CASS4: variants seen among roughly 807,000 people sequenced by gnomAD.
CASS4 encodes the protein cas scaffolding protein family member 4.
CASS4 carries 22 observed loss-of-function variants against 54.2 expected under a neutral mutation model. The observed-to-expected ratio is 0.41, with a 90% CI of 0.29 to 0.58. The LOEUF (loss-of-function observed/expected upper bound fraction) is 0.58. Among genes scored for constraint, CASS4 ranks in the 20% least tolerant of loss-of-function variants. The pLI is 0.36. For missense variants in CASS4, 854 were observed against 986.7 expected (o/e 0.87, Z 1.80); for synonymous variants, 409 against 391.5 (o/e 1.04, Z -0.53).
chr20:56,447,885 G>A (rs1238480798), intron 3 of CASS4, among the ~76,000 whole-genome samples: 3 of 152,326 alleles, frequency 2.0e-5, no homozygotes, highest in Non-Finnish European at 2.9e-5. Flanking sequence ...GCTCACGCCT[G>A]TAATCCCAGC....
intron 4 of CASS4, 72 bp downstream of exon 4, chr20:56,450,751 G>A: frequency 1.4e-6 from 2 of 1,452,432 alleles, no homozygotes; most frequent in Non-Finnish European, 1.9e-6. Context: ...TATTAGCTTG[G>A]GGCCAGGCAC....
chr20:56,429,032 C>T (rs746331913), intron 1 of CASS4, among the ~76,000 whole-genome samples: 15 of 152,012 alleles, frequency 9.9e-5, no homozygotes, highest in Admixed American at 7.2e-4. Flanking sequence ...TGCATGTGGG[C>T]GAGTGCACGT....
Position 56,430,881 on chromosome 20 carries a change from G to T in CASS4, c.37-6283G>T, listed in dbSNP as rs1187494187. ...TTTGAGAAAAGTAAGAAAACAATGTGACTGGAGGGAAATGAATGAGGGTAG... is the reference window on the plus strand; with the variant it reads ...TTTGAGAAAAGTAAGAAAACAATGTTACTGGAGGGAAATGAATGAGGGTAG... On this transcript the variant is annotated intron_variant, in intron 1 of 5. Coordinates refer to ENST00000679887, the MANE Select transcript of CASS4 (RefSeq NM_020356.4). This position sits in a 1 kb window ranked among gnomAD's most constrained non-coding sequence, Gnocchi z 4.2. 6.6e-6 allele frequency among the ~76,000 whole-genome samples: 1 copy of T among 152,212 alleles called. No homozygotes were observed. The highest frequency in any genetic ancestry group is 1.5e-5 in the Non-Finnish European group (1 of 68,040).
In CASS4 at chr20:56,452,127, C is replaced by T. The variant is rs773645729; in HGVS notation, c.951C>T (p.Pro317=). 6 of 1,614,074 alleles carry T rather than the reference C, an allele frequency of 3.7e-6. No individual in the cohort carries two copies. In the South Asian group the frequency reaches 6.6e-5, roughly 18 times the overall value. ...PEIPSYGFLV[P]RGTFPLDEDV... ...TTCCTTCTTATGGCTTTCTTGTACC[C>T]AGAGGCACATTTCCTTTGGATGAAG... The change falls in exon 5 of 6, where the codon CCC becomes CCT. Residue 317 remains proline (P), a synonymous_variant. Transcript: ENST00000679887.
Position 56,451,927 on chromosome 20 carries a change from G to C in CASS4, c.751G>C (p.Gly251Arg), listed in dbSNP as rs1183015246. The C allele has an allele frequency of 1.9e-6, 3 of 1,614,036 alleles. No individual in the cohort carries two copies. Among genetic ancestry groups the C allele is most frequent in the Admixed American group, 3.3e-5 (2 of 59,990 alleles). ...EWIYDTPVSP[G>R]KASVRNTPLT... ...GATTTATGACACTCCAGTGTCTCCA[G>C]GAAAGGCCAGCGTCAGAAACACGCC... The change falls in exon 5 of 6, where the codon GGA (glycine) becomes CGA (arginine). Residue 251 changes from glycine to arginine, a missense_variant. Transcript: ENST00000679887.
chr20:56,451,922 C>G lies in CASS4; in HGVS notation c.746C>G (p.Ser249Cys), dbSNP rs1298334340. The change falls in exon 5 of 6, where the codon TCT (serine) becomes TGT (cysteine). Residue 249 changes from serine (S) to cysteine (C), a missense_variant. Physicochemically the swap from Ser to Cys is moderately radical, Grantham distance 112 (BLOSUM62 -1). Coordinates refer to ENST00000679887, the MANE Select transcript of CASS4 (RefSeq NM_020356.4). ...KSEWIYDTPV[S>C]PGKASVRNTP... ...GAATGGATTTATGACACTCCAGTGT[C>G]TCCAGGAAAGGCCAGCGTCAGAAAC... The G allele has an allele frequency of 6.2e-7, 1 of 1,614,190 alleles. No individual in the cohort carries two copies.
At chr20:56,420,493 A>G (rs1040222124) in intron 1 of CASS4, among the ~76,000 whole-genome samples, 1 of 151,816 alleles carries the variant, frequency 6.6e-6, no homozygotes, top group East Asian at 1.9e-4. Context: ...GGCTCAAGCA[A>G]TCCTCCTGCC....
chr20:56,457,384 C>A (rs1051063675), intron 5 of CASS4, among the ~76,000 whole-genome samples: 9 of 152,094 alleles, frequency 5.9e-5, no homozygotes, highest in African/African-American at 2.2e-4. Context: ...TCAATTGTTA[C>A]CTGGAGTTGT....
At chr20:56,450,152 C>T (rs1339028097) in intron 3 of CASS4, among the ~76,000 whole-genome samples, 3 of 152,064 alleles carry the variant, frequency 2.0e-5, no homozygotes, top group African/African-American at 7.2e-5. Context: ...CTGCCTCAGC[C>T]TCCCGAGTAG....
At chr20:56,450,108 C>T (rs776766891) in intron 3 of CASS4, among the ~76,000 whole-genome samples, 16 of 151,838 alleles carry the variant, frequency 1.1e-4, no homozygotes, top group African/African-American at 1.7e-4. Context: ...CTTGGCTTAC[C>T]GCAACCTCCA....
At chr20:56,413,114 A>G (rs1395911379) in intron 1 of CASS4, among the ~76,000 whole-genome samples, 1 of 151,774 alleles carries the variant, frequency 6.6e-6, no homozygotes, top group African/African-American at 2.4e-5. Context: ...AGGTGAGAAG[A>G]TTAATTCAGC....
rs1228212971 is a variant in CASS4, at chr20:56,437,343, G to A, written c.216G>A (p.Thr72=). ...CTGCCAACCGCCTCCAAATCCTCAC[G>A]GAGGTCGCTGCAGACAGGCCGTGCC... ...LAPANRLQIL[T]EVAADRPCPP... is the part of the protein sequence containing the mutation. Residue 72 remains threonine, a synonymous_variant, in exon 2 of 6, where the codon ACG becomes ACA. Transcript: ENST00000679887. This position sits in a 1 kb window ranked among gnomAD's most constrained non-coding sequence, Gnocchi z 4.7. The A allele has an allele frequency of 6.2e-6, 10 of 1,614,058 alleles. No individual in the cohort carries two copies. The highest frequency in any genetic ancestry group is 1.1e-5 in the South Asian group (1 of 91,048).
chr20:56,453,169 A>T, intron 5 of CASS4, 40 bp downstream of exon 5: 1 of 1,466,280 alleles, frequency 6.8e-7, no homozygotes, highest in Non-Finnish European at 9.4e-7. Flanking sequence ...AGGGGCTTCA[A>T]TTGTTACCTG....
intron 1 of CASS4, among the ~76,000 whole-genome samples, chr20:56,418,657 A>T (rs1284096534): frequency 6.6e-6 from 1 of 152,212 alleles, no homozygotes; most frequent in South Asian, 2.1e-4. Flanking sequence ...CTCTGTCTTT[A>T]AAAAAGTAGA....
intron 1 of CASS4, among the ~76,000 whole-genome samples, chr20:56,432,218 C>G (rs1173435675): frequency 6.6e-6 from 1 of 152,022 alleles, no homozygotes; most frequent in African/African-American, 2.4e-5. Context: ...AGATAATAAA[C>G]CTTTCAGATT....
At chr20:56,450,482 A>C in intron 3 of CASS4, 117 bp from the exon 4 acceptor site, 1 of 922,390 alleles carries the variant, frequency 1.1e-6, no homozygotes. Context: ...AGCACCGAAA[A>C]GTCTTCAGGA....
At chr20:56,428,216 C>T (rs1219549906) in intron 1 of CASS4, among the ~76,000 whole-genome samples, 3 of 152,118 alleles carry the variant, frequency 2.0e-5, no homozygotes, top group Non-Finnish European at 4.4e-5. Flanking sequence ...TGGTGTCAGG[C>T]GGGCTGTGAA....
chr20:56,442,083 A>G (rs980287503), intron 2 of CASS4, among the ~76,000 whole-genome samples: 5 of 149,134 alleles, frequency 3.4e-5, no homozygotes, highest in African/African-American at 1.3e-4. Flanking sequence ...CTGTTTTCCC[A>G]TGGCAAATTC....
intron 1 of CASS4, among the ~76,000 whole-genome samples, chr20:56,424,511 C>A (rs1219206035): frequency 6.6e-6 from 1 of 151,890 alleles, no homozygotes; most frequent in Non-Finnish European, 1.5e-5. Flanking sequence ...GAGGTCAAGG[C>A]GGGTGGATCA....
Sources: gnomAD v4.1 joint callset for allele counts (sites outside exome capture counted in the v4.1 genomes callset) on GRCh38, gnomAD v4.1.1 for gene constraint, Gnocchi (gnomAD v3.1) non-coding constraint, MANE v1.5 for transcripts, NCBI Gene and HGNC (gene_info 2026-07-23, HGNC 2026-07-21) for gene names.